The following PCDHA9 variants were observed in gnomAD, a reference collection of about 807,000 sequenced individuals.
PCDHA9 encodes protocadherin alpha-9.
A neutral mutation model predicts 62.0 loss-of-function variants in PCDHA9; 62 were observed. That is an observed-to-expected ratio of 1.00 (90% CI 0.81 to 1.23). The LOEUF is 1.23. Among genes scored for constraint, PCDHA9 ranks in the 50% most tolerant of loss-of-function variants. PCDHA9 has a pLI of 0.00. For missense variants in PCDHA9, 1,205 were observed against 1,249.8 expected, an observed-to-expected ratio of 0.96 and a Z score of 0.54; for synonymous variants, 557 against 567.6, an observed-to-expected ratio of 0.98 and a Z score of 0.27.
chr5:140,953,131 C>T (rs1554220819), intron 1 of PCDHA9, among the ~76,000 whole-genome samples: 1 of 152,158 alleles, frequency 6.6e-6, no homozygotes, highest in African/African-American at 2.4e-5. Context: ...TAAACCGTAT[C>T]ACTGTTATAT....
chr5:140,850,650 A>G lies in PCDHA9; in HGVS notation c.2155A>G (p.Thr719Ala). 1 of 1,598,426 alleles carries G rather than the reference A, an allele frequency of 6.3e-7. No individual in the cohort carries two copies. The highest frequency in any genetic ancestry group is 8.6e-7 in the Non-Finnish European group (1 of 1,167,838). ...GTTGGTTCTCACGCTGCTGCTGTACACTGTGCTGCGGTGCTCGGCGATGCC... is the reference window on the plus strand; with the variant it reads ...GTTGGTTCTCACGCTGCTGCTGTACGCTGTGCTGCGGTGCTCGGCGATGCC... ...SLLVLTLLLY[T>A]VLRCSAMPTE... Residue 719 changes from threonine to alanine, a missense_variant, in exon 1 of 4, where the codon ACT becomes GCT. Physicochemically the swap from Thr to Ala is moderately conservative, Grantham distance 58. Coordinates refer to ENST00000532602, the MANE Select transcript of PCDHA9 (RefSeq NM_031857.2).
intron 3 of PCDHA9, among the ~76,000 whole-genome samples, chr5:140,999,230 G>A (rs2097851745): frequency 6.6e-6 from 1 of 152,194 alleles, no homozygotes; most frequent in Non-Finnish European, 1.5e-5. Flanking sequence ...TTTGAGAATA[G>A]GTGGTTAAAG....
At chr5:140,917,324 C>CGG (rs1299895515) in intron 1 of PCDHA9, among the ~76,000 whole-genome samples, 73 of 76,040 alleles carry the variant, frequency 9.6e-4, no homozygotes, top group South Asian at 2.7e-3. Flanking sequence ...GTTCATGTGG[C>CGG]GGGGGAGGGG....
At chr5:140,923,528 CA>C (rs1240707958) in intron 1 of PCDHA9, among the ~76,000 whole-genome samples, 1 of 151,622 alleles carries the variant, frequency 6.6e-6, no homozygotes, top group Non-Finnish European at 1.5e-5. Context: ...GATTCTGTCC[CA>C]AAAAAAGGAC....
At chr5:140,938,427 T>G (rs992312670) in intron 1 of PCDHA9, among the ~76,000 whole-genome samples, 3 of 152,206 alleles carry the variant, frequency 2.0e-5, no homozygotes, top group African/African-American at 7.2e-5. Flanking sequence ...GCAAAAATCC[T>G]TTATCAGATT....
chr5:140,858,114 T>C, intron 1 of PCDHA9: 1 of 1,597,256 alleles, frequency 6.3e-7, no homozygotes, highest in Non-Finnish European at 8.6e-7. Flanking sequence ...GCGCCCGAGG[T>C]GGCCCTGGTG....
At chr5:140,973,886 T>C (rs887432391) in intron 1 of PCDHA9, among the ~76,000 whole-genome samples, 2 of 152,242 alleles carry the variant, frequency 1.3e-5, no homozygotes, top group African/African-American at 4.8e-5. Flanking sequence ...TAATGTCAAT[T>C]TGCAAATGTT....
intron 1 of PCDHA9, chr5:140,857,011 T>C (rs2044320012): frequency 1.3e-6 from 2 of 1,596,036 alleles, no homozygotes; most frequent in Admixed American, 1.7e-5. Flanking sequence ...ATGTAGATGT[T>C]ACAGATAAGG....
rs975637071 is a variant in PCDHA9 at position 141,011,970 on chromosome 5, C to A, written c.*2033C>A. On this transcript the variant is annotated 3_prime_UTR_variant, in exon 4 of 4. Transcript: ENST00000532602. ...AGCATTAAATTTAAAAAAAAACTGTCTTGTCTACTTTTAGCTTCATTCTCC... is the reference window on the plus strand; with the variant it reads ...AGCATTAAATTTAAAAAAAAACTGTATTGTCTACTTTTAGCTTCATTCTCC... 6.5e-6 allele frequency: 1 copy of A among 153,576 alleles called. No individual in the cohort carries two copies. The highest frequency in any genetic ancestry group is 6.6e-5 in the Admixed American group (1 of 15,252). The allele number at this position is 153,576 out of a possible 1,614,324, so 9.5% of individuals were successfully genotyped here. A position where few individuals can be genotyped will look rare whatever the true frequency, so the allele number is the denominator to read the frequency against.
intron 1 of PCDHA9, chr5:140,928,384 C>G (rs246074): frequency 0.52 from 841,304 of 1,613,674 alleles, 221,696 homozygotes; most frequent in African/African-American, 0.71. Flanking sequence ...CTCTAGCTTG[C>G]TGGCAGTGGA....
At chr5:141,009,312 A>G (rs1355833857) in intron 3 of PCDHA9, among the ~76,000 whole-genome samples, 1 of 152,160 alleles carries the variant, frequency 6.6e-6, no homozygotes, top group Non-Finnish European at 1.5e-5. Context: ...TTAAAAAGCT[A>G]GCCTGGCATG....
intron 1 of PCDHA9, among the ~76,000 whole-genome samples, chr5:140,918,164 G>T (rs1156404209): frequency 6.6e-6 from 1 of 152,088 alleles, no homozygotes; most frequent in East Asian, 1.9e-4. Context: ...TATTGTAAAT[G>T]GCATTGTGTT....
intron 1 of PCDHA9, chr5:140,875,642 C>A: frequency 6.2e-7 from 1 of 1,613,606 alleles, no homozygotes; most frequent in Non-Finnish European, 8.5e-7. Flanking sequence ...CTGGAGCTGG[C>A]GGAGCTGGTG....
intron 1 of PCDHA9, chr5:140,857,630 G>A (rs1554150395): frequency 6.3e-7 from 1 of 1,596,610 alleles, no homozygotes; most frequent in African/African-American, 1.3e-5. Flanking sequence ...CGAGGAGCTG[G>A]AGCTGCTACA....
At position 140,857,332 on chromosome 5, in the gene PCDHA9, C is replaced by G. The variant is rs782461373; in HGVS notation, c.2394+6443C>G. The G allele has an allele frequency of 1.9e-6, 3 of 1,598,330 alleles. 1 individual carries two copies. The highest frequency in any genetic ancestry group is 2.6e-6 in the Non-Finnish European group (3 of 1,167,876). On this transcript the variant is annotated intron_variant, in intron 1 of 3. Transcript: ENST00000532602. Reference sequence around the variant, plus strand: ...ATGAGCTGGTGGTGACCGCGCGGGACGGGGGCTCGCCTCCGCTGTGGGCCA... The same window carrying G: ...ATGAGCTGGTGGTGACCGCGCGGGAGGGGGGCTCGCCTCCGCTGTGGGCCA...
At chr5:140,884,186 G>T in intron 1 of PCDHA9, 1 of 1,613,444 alleles carries the variant, frequency 6.2e-7, no homozygotes, top group East Asian at 2.2e-5. Context: ...TCTGGACGAG[G>T]TGGACGCGCC....
intron 1 of PCDHA9, among the ~76,000 whole-genome samples, chr5:140,942,869 T>C (rs971576222): frequency 6.6e-6 from 1 of 152,088 alleles, no homozygotes; most frequent in African/African-American, 2.4e-5. Context: ...TGCTTTAGCA[T>C]GACAACTTTT....
intron 1 of PCDHA9, chr5:140,883,195 T>A (rs781816525): frequency 6.2e-7 from 1 of 1,613,786 alleles, no homozygotes; most frequent in Non-Finnish European, 8.5e-7. Context: ...GCAAACTAGA[T>A]TTCGAAGAAA....
intron 1 of PCDHA9, chr5:140,882,627 A>G: frequency 6.2e-7 from 1 of 1,614,136 alleles, no homozygotes; most frequent in Non-Finnish European, 8.5e-7. Flanking sequence ...TTCCATGTGG[A>G]GGTGAAGGTG....
Sources: allele counts gnomAD v4.1 joint callset (sites outside exome capture counted in the v4.1 genomes callset), GRCh38; gene constraint gnomAD v4.1.1; transcripts MANE v1.5; gene names NCBI Gene and HGNC (gene_info 2026-07-23, HGNC 2026-07-21).